PPM1H: variants seen among roughly 807,000 people sequenced by gnomAD.
PPM1H encodes protein phosphatase 1H.
Under a neutral mutation model 54.9 loss-of-function variants are expected in PPM1H, and 27 were observed. That is an observed-to-expected ratio of 0.49 (90% CI 0.36 to 0.68). The LOEUF is 0.68. Among genes scored for constraint, PPM1H ranks in the 30% least tolerant of loss-of-function variants. The pLI, the probability that PPM1H is intolerant of heterozygous loss-of-function variation, is 0.00. For missense variants in PPM1H, 596 were observed against 667.8 expected (o/e 0.89, Z 1.19); for synonymous variants, 305 against 270.8 (o/e 1.13, Z -1.24).
chr12:62,728,431 C>T (rs1407821737), intron 5 of PPM1H, among the ~76,000 whole-genome samples: 2 of 152,262 alleles, frequency 1.3e-5, no homozygotes, highest in East Asian at 3.9e-4. Context: ...CCTCTCTAGT[C>T]CTGAGCAGAA....
intron 3 of PPM1H, among the ~76,000 whole-genome samples, chr12:62,798,460 C>T (rs1411769675): frequency 6.6e-6 from 1 of 152,146 alleles, no homozygotes; most frequent in East Asian, 1.9e-4. Flanking sequence ...TTTCCAATTT[C>T]CATAGTGGAT....
chr12:62,861,101 A>T (rs750555410), intron 1 of PPM1H, among the ~76,000 whole-genome samples: 2 of 152,220 alleles, frequency 1.3e-5, no homozygotes, highest in Non-Finnish European at 2.9e-5. Context: ...AGGCAGTGAG[A>T]TTTATTGAGA....
intron 1 of PPM1H, among the ~76,000 whole-genome samples, chr12:62,839,675 A>G (rs932119039): frequency 6.6e-6 from 1 of 151,942 alleles, no homozygotes. Context: ...AAAAAAAAAA[A>G]AAGTCAAGAT....
rs925057622 is a variant in PPM1H at position 62,825,925 on chromosome 12, T to C, written c.411+6189A>G. ...ATGCCAAATTACCACCAATTACAAT[T>C]AAAAAAAAAGAGCTCAAACACAGGA... is the stretch of plus-strand genomic sequence containing the variant. On this transcript the variant is annotated intron_variant, in intron 2 of 9. Coordinates refer to ENST00000228705, the MANE Select transcript of PPM1H (RefSeq NM_020700.2). Among the ~76,000 whole-genome samples the C allele has an allele frequency of 2.7e-5, 4 of 149,650 alleles. No individual in the cohort carries two copies. In the South Asian group the frequency reaches 8.6e-4, roughly 32 times the overall value.
intron 3 of PPM1H, among the ~76,000 whole-genome samples, chr12:62,793,957 G>A (rs2076716482): frequency 6.6e-6 from 1 of 152,108 alleles, no homozygotes; most frequent in Admixed American, 6.5e-5. Context: ...GCAAGTGTTG[G>A]GTAGTTTCAA....
intron 1 of PPM1H, among the ~76,000 whole-genome samples, chr12:62,908,094 C>T (rs987076196): frequency 1.3e-5 from 2 of 152,154 alleles, no homozygotes; most frequent in Non-Finnish European, 2.9e-5. Flanking sequence ...CAATCAAAAT[C>T]GTGCATGCAT....
intron 2 of PPM1H, among the ~76,000 whole-genome samples, chr12:62,814,404 A>C (rs1250823038): frequency 6.6e-6 from 1 of 151,752 alleles, no homozygotes; most frequent in Non-Finnish European, 1.5e-5. Context: ...TTTTTTGTAG[A>C]GAGGGTCTTG....
chr12:62,870,898 A>G (rs1355665099), intron 1 of PPM1H, among the ~76,000 whole-genome samples: 1 of 152,256 alleles, frequency 6.6e-6, no homozygotes, highest in Non-Finnish European at 1.5e-5. Flanking sequence ...GGTATTATAA[A>G]AAAAGATACA....
chr12:62,929,602 A>G (rs1414510774), intron 1 of PPM1H, among the ~76,000 whole-genome samples: 1 of 152,154 alleles, frequency 6.6e-6, no homozygotes, highest in Non-Finnish European at 1.5e-5. Flanking sequence ...GGACTGAAAC[A>G]TATAGTAAAC....
At chr12:62,670,850 G>T (rs1000109651) in intron 8 of PPM1H, among the ~76,000 whole-genome samples, 2 of 152,128 alleles carry the variant, frequency 1.3e-5, no homozygotes, top group African/African-American at 4.8e-5. Flanking sequence ...ATCTTTTGAG[G>T]TTTTTACAAC....
chr12:62,720,109 G>A, intron 6 of PPM1H, 62 bp downstream of exon 6: 4 of 1,373,382 alleles, frequency 2.9e-6, no homozygotes, highest in Non-Finnish European at 4.2e-6. Context: ...GGCTGTTTAT[G>A]GTGGTGATGC....
At chr12:62,665,736 A>G (rs1261399734) in intron 9 of PPM1H, among the ~76,000 whole-genome samples, 12 of 151,962 alleles carry the variant, frequency 7.9e-5, no homozygotes, top group Admixed American at 7.9e-4. Context: ...TAAATGCTTT[A>G]AATTTTTTTG....
intron 1 of PPM1H, among the ~76,000 whole-genome samples, chr12:62,882,690 G>A (rs896051020): frequency 3.3e-5 from 5 of 152,182 alleles, no homozygotes; most frequent in South Asian, 2.1e-4. Context: ...ACCCAAACCC[G>A]GGTCAAGTAT....
rs79051808 is a variant in PPM1H at position 62,831,964 on chromosome 12, C to T, written c.411+150G>A. The T allele has an allele frequency of 4.5e-3, 3,939 of 871,514 alleles. 120 individuals are homozygous for T. The African/African-American group carries it at 0.06, about 13-fold the overall frequency. 54.0% of individuals were successfully genotyped at this position (871,514 alleles called of 1,614,324 possible). On this transcript the variant is annotated intron_variant, in intron 2 of 9. Transcript: ENST00000228705. ...GCCTTCAGCTTGGTATGTGTGATGT[C>T]GTGACGATAGGCCCGCCACCCCACT...
At chr12:62,825,050 GA>G (rs896479873) in intron 2 of PPM1H, among the ~76,000 whole-genome samples, 43 of 144,838 alleles carry the variant, frequency 3.0e-4, no homozygotes, top group African/African-American at 8.1e-4. Flanking sequence ...AATTTACAAG[GA>G]AAAAAAAAAT....
intron 1 of PPM1H, among the ~76,000 whole-genome samples, chr12:62,841,849 T>C (rs1437913934): frequency 6.6e-6 from 1 of 152,228 alleles, no homozygotes; most frequent in African/African-American, 2.4e-5. Flanking sequence ...TGTTGCCTCA[T>C]AGATTTCCCC....
intron 2 of PPM1H, among the ~76,000 whole-genome samples, chr12:62,808,207 C>A (rs1565794948): frequency 6.6e-6 from 1 of 152,152 alleles, no homozygotes; most frequent in Non-Finnish European, 1.5e-5. Context: ...CTCGTTTAAT[C>A]CTTACTCCAC....
chr12:62,798,841 C>T (rs1448112646), intron 3 of PPM1H, among the ~76,000 whole-genome samples: 1 of 152,150 alleles, frequency 6.6e-6, no homozygotes, highest in African/African-American at 2.4e-5. Flanking sequence ...TTCTCCCAAC[C>T]CTGCCCTGCA....
At chr12:62,825,833 G>A (rs762141602) in intron 2 of PPM1H, among the ~76,000 whole-genome samples, 1 of 151,632 alleles carries the variant, frequency 6.6e-6, no homozygotes, top group Non-Finnish European at 1.5e-5. Context: ...ATATACCTAC[G>A]TAACAAACCT....
Sources: gnomAD v4.1 joint callset for allele counts (sites outside exome capture counted in the v4.1 genomes callset) on GRCh38, gnomAD v4.1.1 for gene constraint, MANE v1.5 for transcripts, NCBI Gene and HGNC (gene_info 2026-07-23, HGNC 2026-07-21) for gene names.